The following PAWR variants were observed in gnomAD, a reference collection of about 807,000 sequenced individuals.
The protein encoded by PAWR is pro-apoptotic WT1 regulator, also known as PRKC apoptosis WT1 regulator protein.
In PAWR, 23 loss-of-function variants were observed where a neutral mutation model predicts 32.0. The ratio of observed to expected loss-of-function variants is 0.72; its 90% confidence interval spans 0.52 to 1.02. The LOEUF (loss-of-function observed/expected upper bound fraction) is 1.02. PAWR is among the 50% of genes least tolerant of loss of function. The pLI is 0.00. For synonymous variants in PAWR, 226 were observed against 187.1 expected (o/e 1.21, Z -1.70); for missense variants, 457 against 437.7 (o/e 1.04, Z -0.39).
intron 4 of PAWR, among the ~76,000 whole-genome samples, chr12:79,607,710 C>A (rs909026193): frequency 7.0e-6 from 1 of 143,378 alleles, no homozygotes; most frequent in African/African-American, 2.5e-5. Context: ...GCCTGGGCAT[C>A]GGAGTGAGAC....
chr12:79,641,291 C>T (rs755889144), intron 2 of PAWR, among the ~76,000 whole-genome samples: 2 of 152,136 alleles, frequency 1.3e-5, no homozygotes, highest in South Asian at 2.1e-4. Flanking sequence ...ACTCTTCTAA[C>T]CTTCACAACC....
intron 2 of PAWR, among the ~76,000 whole-genome samples, chr12:79,657,024 C>CATCTT (rs1463332877): frequency 1.3e-5 from 2 of 152,108 alleles, no homozygotes; most frequent in East Asian, 3.9e-4. Flanking sequence ...TATTGAACAG[C>CATCTT]ATCTTACGCA....
rs1398329933 is a variant in PAWR at position 79,690,370 on chromosome 12, G to A, written c.-126C>T. On this transcript the variant is annotated 5_prime_UTR_variant, in exon 2 of 7. Coordinates refer to ENST00000328827, the MANE Select transcript of PAWR (RefSeq NM_002583.4). ...GACCTCCAGGAGAGGGACGGCCGCC[G>A]CTCCCACAGCAGCCGGCGGGGCTGA... 4 of 1,347,592 alleles carry A rather than the reference G, an allele frequency of 3.0e-6. No homozygotes were observed. The highest frequency in any genetic ancestry group is 3.8e-6 in the Non-Finnish European group (4 of 1,054,266). 83.5% of individuals were successfully genotyped at this position (1,347,592 alleles called of 1,614,324 possible).
chr12:79,666,051 T>C (rs955968947), intron 2 of PAWR, among the ~76,000 whole-genome samples: 3 of 152,182 alleles, frequency 2.0e-5, no homozygotes, highest in Non-Finnish European at 2.9e-5. Flanking sequence ...AGAGATTATA[T>C]AGTGTTAGTT....
intron 2 of PAWR, among the ~76,000 whole-genome samples, chr12:79,652,629 C>T (rs1876902845): frequency 6.6e-6 from 1 of 152,210 alleles, no homozygotes; most frequent in African/African-American, 2.4e-5. Flanking sequence ...TATTAAACTG[C>T]TCCTAAAATG....
intron 3 of PAWR, among the ~76,000 whole-genome samples, chr12:79,617,815 A>C (rs1566004292): frequency 6.6e-6 from 1 of 152,122 alleles, no homozygotes; most frequent in Non-Finnish European, 1.5e-5. Context: ...TGACTGGATC[A>C]TGGGAGTGGA....
chr12:79,616,675 T>A (rs1874752436), intron 3 of PAWR, among the ~76,000 whole-genome samples: 1 of 152,162 alleles, frequency 6.6e-6, no homozygotes, highest in Non-Finnish European at 1.5e-5. Context: ...TAACCAGAAG[T>A]CATGTAAAAA....
At chr12:79,637,967 G>A (rs528313515) in intron 2 of PAWR, among the ~76,000 whole-genome samples, 179 of 152,082 alleles carry the variant, frequency 1.2e-3, no homozygotes, top group Non-Finnish European at 2.4e-3. Flanking sequence ...AAAAATTTTA[G>A]TAGCTGCATA....
intron 2 of PAWR, among the ~76,000 whole-genome samples, chr12:79,664,338 TAA>T (rs963898383): frequency 6.6e-6 from 1 of 151,674 alleles, no homozygotes; most frequent in African/African-American, 2.4e-5. Flanking sequence ...CTCCCTCAAT[TAA>T]AAAAAATATA....
chr12:79,634,699 C>T (rs1199743338), intron 2 of PAWR, among the ~76,000 whole-genome samples: 1 of 151,710 alleles, frequency 6.6e-6, no homozygotes, highest in African/African-American at 2.4e-5. Flanking sequence ...AGCACTTTTC[C>T]AAACTTTTGT....
chr12:79,644,579 TTAAA>T (rs1876481190), intron 2 of PAWR, among the ~76,000 whole-genome samples: 2 of 152,192 alleles, frequency 1.3e-5, no homozygotes, highest in African/African-American at 4.8e-5. Flanking sequence ...TCAGAAAGTT[TTAAA>T]TAAACAAAAA....
intron 4 of PAWR, among the ~76,000 whole-genome samples, chr12:79,611,453 C>T (rs1292682758): frequency 6.6e-6 from 1 of 151,426 alleles, no homozygotes; most frequent in Admixed American, 6.6e-5. Flanking sequence ...TCCCATTAGT[C>T]AGCAGACACC....
intron 2 of PAWR, among the ~76,000 whole-genome samples, chr12:79,646,180 G>A (rs1876565036): frequency 6.6e-6 from 1 of 152,118 alleles, no homozygotes; most frequent in Non-Finnish European, 1.5e-5. Flanking sequence ...GCAAAGGGAA[G>A]GGATGGGGGA....
chr12:79,678,868 ATTTT>A (rs11383561), intron 2 of PAWR, among the ~76,000 whole-genome samples: 1 of 127,826 alleles, frequency 7.8e-6, no homozygotes. Context: ...CCTTTAGGGT[ATTTT>A]TTTTTTTTTT....
intron 2 of PAWR, among the ~76,000 whole-genome samples, chr12:79,634,050 T>A (rs1402652270): frequency 1.3e-5 from 2 of 152,134 alleles, no homozygotes; most frequent in African/African-American, 4.8e-5. Context: ...TATATGATTC[T>A]CCTTACATCT....
intron 5 of PAWR, 74 bp from the exon 6 acceptor site, chr12:79,594,507 TC>T (rs1873675248): frequency 1.0e-5 from 7 of 700,906 alleles, no homozygotes; most frequent in Non-Finnish European, 1.7e-5. Flanking sequence ...GGCATATATC[TC>T]CCCAATTTGG....
At position 79,587,657 on chromosome 12, in the gene PAWR, A is replaced by G. The variant is rs1328164029; in HGVS notation, c.*4950T>C. ...CCACCTAAAATAATATACCAAATAA[A>G]GATTTTTAAAGTGCTGCATATGGTT... On this transcript the variant is annotated 3_prime_UTR_variant, in exon 7 of 7. Transcript: ENST00000328827. 6.6e-6 allele frequency: 1 copy of G among 152,018 alleles called. No individual in the cohort carries two copies. The highest frequency in any genetic ancestry group is 6.6e-5 in the Admixed American group (1 of 15,256). The allele number at this position is 152,018 out of a possible 1,614,324, so 9.4% of individuals were successfully genotyped here.
At chr12:79,631,041 T>A (rs2136742963) in intron 2 of PAWR, among the ~76,000 whole-genome samples, 1 of 152,238 alleles carries the variant, frequency 6.6e-6, no homozygotes, top group South Asian at 2.1e-4. Context: ...CAGTGATTCA[T>A]CATCTTTACA....
At chr12:79,624,281 C>T (rs1458802201) in intron 2 of PAWR, among the ~76,000 whole-genome samples, 1 of 152,122 alleles carries the variant, frequency 6.6e-6, no homozygotes, top group Admixed American at 6.5e-5. Context: ...ACTTTCCCTC[C>T]TCCTGCCCCC....
Sources: gnomAD v4.1 joint callset for allele counts (sites outside exome capture counted in the v4.1 genomes callset) on GRCh38, gnomAD v4.1.1 for gene constraint, MANE v1.5 for transcripts, NCBI Gene and HGNC (gene_info 2026-07-23, HGNC 2026-07-21) for gene names.